Variants in RAPGEF5 observed in about 807,000 individuals in gnomAD.
The protein encoded by RAPGEF5 is Rap guanine nucleotide exchange factor 5.
Under a neutral mutation model 125.2 loss-of-function variants are expected in RAPGEF5, and 65 were observed. The observed-to-expected ratio is 0.52, with a 90% confidence interval of 0.43 to 0.64. RAPGEF5 has a LOEUF of 0.64. RAPGEF5 is among the 30% of genes least tolerant of loss of function. The probability of loss-of-function intolerance (pLI) is 0.00; values close to 1 mark genes in which losing one functional copy is unlikely to be tolerated. For synonymous variants in RAPGEF5, 391 were observed against 385.9 expected, an observed-to-expected ratio of 1.01 and a Z score of -0.16; for missense variants, 958 against 1,048.1, an observed-to-expected ratio of 0.91 and a Z score of 1.19.
chr7:22,147,149 C>G, intron 18 of RAPGEF5, 130 bp from the exon 19 acceptor site: 1 of 1,222,668 alleles, frequency 8.2e-7, no homozygotes, highest in Middle Eastern at 2.0e-4. Flanking sequence ...AATATTTTCC[C>G]TGGTCTGTTC....
chr7:22,288,252 T>G (rs2128146597), intron 6 of RAPGEF5, among the ~76,000 whole-genome samples: 1 of 152,130 alleles, frequency 6.6e-6, no homozygotes, highest in Non-Finnish European at 1.5e-5. Flanking sequence ...CTCTATCTTC[T>G]ACTCGGGTCT....
intron 1 of RAPGEF5, among the ~76,000 whole-genome samples, chr7:22,327,046 A>C (rs1783828063): frequency 6.6e-6 from 1 of 152,234 alleles, no homozygotes; most frequent in African/African-American, 2.4e-5. Context: ...AAAAGGAGCA[A>C]TTAGTTTCAC....
intron 7 of RAPGEF5, among the ~76,000 whole-genome samples, chr7:22,264,392 A>G (rs2686477): frequency 0.48 from 72,732 of 151,970 alleles, 17,809 homozygotes; most frequent in East Asian, 0.67. Flanking sequence ...CATTGATCAA[A>G]TAAGTAAGGA....
At chr7:22,218,520 A>G (rs1785696357) in intron 9 of RAPGEF5, among the ~76,000 whole-genome samples, 1 of 152,206 alleles carries the variant, frequency 6.6e-6, no homozygotes, top group African/African-American at 2.4e-5. Flanking sequence ...ATCAATTGTT[A>G]AGACTATTGT....
chr7:22,126,669 A>G (rs1782755265), intron 24 of RAPGEF5, among the ~76,000 whole-genome samples: 1 of 152,288 alleles, frequency 6.6e-6, no homozygotes, highest in Non-Finnish European at 1.5e-5. Flanking sequence ...GCTGGAGTGC[A>G]GTGGTGTGAT....
intron 11 of RAPGEF5, among the ~76,000 whole-genome samples, chr7:22,176,855 T>C (rs1784525350): frequency 6.6e-6 from 1 of 152,302 alleles, no homozygotes; most frequent in Admixed American, 6.5e-5. Context: ...CGAAATAATC[T>C]GGCACAGGAT....
intron 7 of RAPGEF5, among the ~76,000 whole-genome samples, chr7:22,258,624 C>CAAAAAAAAAAAA (rs34352575): frequency 3.7e-4 from 17 of 45,828 alleles, no homozygotes; most frequent in East Asian, 5.9e-4. Context: ...AACTCCGTCT[C>CAAAAAAAAAAAA]AAAAAAAAAA....
chr7:22,288,578 A>T (rs1782854358), intron 6 of RAPGEF5, among the ~76,000 whole-genome samples: 2 of 149,986 alleles, frequency 1.3e-5, no homozygotes, highest in South Asian at 2.1e-4. Context: ...GCCAGACTGC[A>T]GTGGCGCTAT....
intron 9 of RAPGEF5, among the ~76,000 whole-genome samples, chr7:22,198,040 C>A (rs1785193223): frequency 6.6e-6 from 1 of 152,200 alleles, no homozygotes; most frequent in Non-Finnish European, 1.5e-5. Context: ...CAGGCACACA[C>A]CACCAGGCCC....
intron 1 of RAPGEF5, among the ~76,000 whole-genome samples, chr7:22,319,603 C>G (rs532320564): frequency 1.3e-5 from 2 of 152,150 alleles, no homozygotes; most frequent in Non-Finnish European, 2.9e-5. Flanking sequence ...GCCTCATGTA[C>G]CATGAGCCTA....
At chr7:22,282,998 T>G (rs1782709464) in intron 6 of RAPGEF5, among the ~76,000 whole-genome samples, 1 of 149,872 alleles carries the variant, frequency 6.7e-6, no homozygotes, top group Non-Finnish European at 1.5e-5. Flanking sequence ...GAACACAAAA[T>G]AAAATATTTA....
At chr7:22,126,606 C>T (rs961109867) in intron 24 of RAPGEF5, among the ~76,000 whole-genome samples, 1 of 152,128 alleles carries the variant, frequency 6.6e-6, no homozygotes, top group African/African-American at 2.4e-5. Context: ...TTTTCTAAAA[C>T]ATTAACATCA....
chr7:22,189,358 C>G (rs1784921029), intron 11 of RAPGEF5, among the ~76,000 whole-genome samples: 1 of 152,156 alleles, frequency 6.6e-6, no homozygotes, highest in Non-Finnish European at 1.5e-5. Flanking sequence ...AATCATCGTT[C>G]ACTACAGAAG....
chr7:22,167,016 G>C, intron 12 of RAPGEF5, 54 bp downstream of exon 12: 1 of 1,421,246 alleles, frequency 7.0e-7, no homozygotes, highest in Non-Finnish European at 9.9e-7. Context: ...TCCTAACGTG[G>C]GACATCTGTC....
At chr7:22,224,414 T>C (rs1785865468) in intron 8 of RAPGEF5, among the ~76,000 whole-genome samples, 1 of 152,228 alleles carries the variant, frequency 6.6e-6, no homozygotes, top group African/African-American at 2.4e-5. Context: ...ATTTCTATTA[T>C]CTAGAAAATT....
chr7:22,292,973 T>C (rs185819392), intron 5 of RAPGEF5, among the ~76,000 whole-genome samples: 3 of 152,374 alleles, frequency 2.0e-5, no homozygotes, highest in East Asian at 3.9e-4. Context: ...GCTGCTGTTT[T>C]AGTGACAAAC....
At chr7:22,259,863 G>A (rs375058693) in intron 7 of RAPGEF5, among the ~76,000 whole-genome samples, 1 of 152,186 alleles carries the variant, frequency 6.6e-6, no homozygotes, top group East Asian at 1.9e-4. Context: ...CTCCCAAAGC[G>A]CTAGGATTAC....
chr7:22,334,941 C>T (rs1783997344), intron 1 of RAPGEF5, among the ~76,000 whole-genome samples: 1 of 152,230 alleles, frequency 6.6e-6, no homozygotes, highest in African/African-American at 2.4e-5. Flanking sequence ...CAACCTGCAT[C>T]TCAACATCCT....
chr7:22,167,243 A>G, intron 11 of RAPGEF5, 95 bp from the exon 12 acceptor site: 2 of 828,964 alleles, frequency 2.4e-6, no homozygotes, highest in Non-Finnish European at 3.9e-6. Context: ...GCATGGCAGA[A>G]ATATGATAAA....
Sources: allele counts gnomAD v4.1 joint callset (sites outside exome capture counted in the v4.1 genomes callset), GRCh38; gene constraint gnomAD v4.1.1; transcripts MANE v1.5; gene names NCBI Gene and HGNC (gene_info 2026-07-23, HGNC 2026-07-21).